The following BRF1 variants were observed in gnomAD, a reference collection of about 807,000 sequenced individuals.
BRF1 encodes BRF1 general transcription factor IIIB subunit, also known as transcription factor IIIB 90 kDa subunit.
A neutral mutation model predicts 81.7 loss-of-function variants in BRF1; 59 were observed. That is an observed-to-expected ratio of 0.72 (90% CI 0.59 to 0.90). BRF1 has a LOEUF of 0.90. Ranked by LOEUF, BRF1 falls within the 40% of genes least tolerant of loss-of-function variation. BRF1 has a pLI of 0.00. For synonymous variants in BRF1, 491 were observed against 395.6 expected (o/e 1.24, Z -2.86); for missense variants, 1,050 against 936.3 (o/e 1.12, Z -1.58).
At position 105,210,720 on chromosome 14, in the gene BRF1, C is replaced by T. The variant is rs952780463; in HGVS notation, c.1997-132G>A. 2.8e-5 allele frequency: 29 copies of T among 1,022,230 alleles called. No individual in the cohort carries two copies. Among genetic ancestry groups the T allele is most frequent in the South Asian group, 1.8e-4 (12 of 66,574 alleles). 63.3% of individuals were successfully genotyped at this position (1,022,230 alleles called of 1,614,324 possible). ...GCCCCAGCCCCAGCCCCCCGCGCCC[C>T]GCCAGGAGCCATCTTGGGCTCCTCT... On this transcript the variant is annotated intron_variant, in intron 17 of 17. Coordinates refer to ENST00000547530, the MANE Select transcript of BRF1 (RefSeq NM_001519.4). This position sits in a 1 kb window ranked among gnomAD's most constrained non-coding sequence, Gnocchi z 4.7.
intron 15 of BRF1, among the ~76,000 whole-genome samples, chr14:105,216,033 GCACACACACTGCGTACACAGACACAGGCA>G (rs1482617976): frequency 7.9e-5 from 10 of 126,636 alleles, no homozygotes; most frequent in African/African-American, 2.6e-4. Flanking sequence ...ACAGACACAG[GCACACACACTGCGTACACAGACACAGGCA>G]CACACACACA....
chr14:105,279,323 G>A (rs1390844003), intron 2 of BRF1, among the ~76,000 whole-genome samples: 3 of 152,120 alleles, frequency 2.0e-5, no homozygotes, highest in Non-Finnish European at 4.4e-5. Context: ...CAAAGGACTC[G>A]AATCCAGAAT....
intron 5 of BRF1, chr14:105,249,873 G>T: frequency 1.2e-6 from 2 of 1,612,154 alleles, no homozygotes; most frequent in East Asian, 2.2e-5. Flanking sequence ...ATGGCCCTAC[G>T]GTCCGAAGGC....
chr14:105,247,881 G>T, intron 5 of BRF1: 1 of 985,636 alleles, frequency 1.0e-6, no homozygotes, highest in Non-Finnish European at 1.2e-6. Context: ...AGTGCCCCAT[G>T]CCACGCACCT....
At chr14:105,229,327 T>G (rs1418647377) in intron 6 of BRF1, among the ~76,000 whole-genome samples, 4 of 152,202 alleles carry the variant, frequency 2.6e-5, no homozygotes, top group African/African-American at 9.6e-5. Flanking sequence ...AAGGCCACAG[T>G]GGGCCCAGAA....
intron 1 of BRF1, among the ~76,000 whole-genome samples, chr14:105,310,267 A>G (rs1483614093): frequency 6.6e-6 from 1 of 150,742 alleles, no homozygotes; most frequent in African/African-American, 2.4e-5. Context: ...ACAGTGGCTC[A>G]CGCCTGTAAT....
At chr14:105,300,423 C>A (rs2057960854) in intron 1 of BRF1, 23 bp downstream of exon 1, 2 of 1,506,226 alleles carry the variant, frequency 1.3e-6, no homozygotes, top group Non-Finnish European at 1.8e-6. Flanking sequence ...GAAATCCGCG[C>A]AGCGCCAGCC....
chr14:105,219,489 G>C (rs1891901786), intron 12 of BRF1: 1 of 693,582 alleles, frequency 1.4e-6, no homozygotes, highest in Non-Finnish European at 2.3e-6. Context: ...AGCCCTGCCG[G>C]CACCAGGACC....
chr14:105,209,342 C>G lies in BRF1; in HGVS notation c.*1209G>C. The G allele has an allele frequency of 1.8e-6, 1 of 569,256 alleles. No individual in the cohort carries two copies. The highest frequency in any genetic ancestry group is 3.1e-6 in the Non-Finnish European group (1 of 319,646). The allele number at this position is 569,256 out of a possible 1,614,324, so 35.3% of individuals were successfully genotyped here. ...TTACTAAATCTATTCTTCCCCCAAG[C>G]CCTCGAGAAGCCCTGGCAGGACCCA... On this transcript the variant is annotated 3_prime_UTR_variant, in exon 18 of 18. Transcript: ENST00000547530.
At chr14:105,256,210 G>A (rs2055858225) in intron 4 of BRF1, 2 of 1,533,850 alleles carry the variant, frequency 1.3e-6, no homozygotes, top group African/African-American at 2.7e-5. Context: ...TTTTTTAATT[G>A]AAAATAATCT....
intron 2 of BRF1, among the ~76,000 whole-genome samples, chr14:105,283,800 C>G (rs587771211): frequency 6.6e-6 from 1 of 152,294 alleles, no homozygotes; most frequent in Non-Finnish European, 1.5e-5. Context: ...CAAAGCTCTT[C>G]ACATGGAGAA....
chr14:105,258,416 A>G (rs2055986447), intron 3 of BRF1, among the ~76,000 whole-genome samples: 1 of 149,326 alleles, frequency 6.7e-6, no homozygotes, highest in Non-Finnish European at 1.5e-5. Context: ...GTGAACCCAG[A>G]AGGCGGAGCT....
chr14:105,266,314 G>A (rs1026134517), intron 3 of BRF1, among the ~76,000 whole-genome samples: 2 of 152,162 alleles, frequency 1.3e-5, no homozygotes, highest in African/African-American at 4.8e-5. Context: ...TCGGGATGCT[G>A]AGGCGAGAGA....
intron 5 of BRF1, among the ~76,000 whole-genome samples, chr14:105,245,202 A>G (rs2055000534): frequency 6.6e-6 from 1 of 152,108 alleles, no homozygotes; most frequent in African/African-American, 2.4e-5. Flanking sequence ...CTACTAAAAA[A>G]TACAAAAAAT....
intron 1 of BRF1, among the ~76,000 whole-genome samples, chr14:105,291,153 T>C (rs2057492134): frequency 6.6e-6 from 1 of 152,102 alleles, no homozygotes; most frequent in Admixed American, 6.6e-5. Flanking sequence ...TGCCCCCCTG[T>C]GTACAGCAAG....
chr14:105,228,806 T>A lies in BRF1; in HGVS notation c.788+14A>T, dbSNP rs1442677632. ...CTCTGTGTGGTCCCCATGCCATGAA[T>A]GAGAGCCCCTCACCTCTTCCGCAGC... On this transcript the variant is annotated intron_variant, in intron 7 of 17. Coordinates refer to ENST00000547530, the MANE Select transcript of BRF1 (RefSeq NM_001519.4). 1 of 1,612,990 alleles carries A rather than the reference T, an allele frequency of 6.2e-7. No homozygotes were observed. Among genetic ancestry groups the A allele is most frequent in the Non-Finnish European group, 8.5e-7 (1 of 1,179,434 alleles).
chr14:105,258,978 G>A (rs999567739), intron 3 of BRF1, among the ~76,000 whole-genome samples: 1 of 152,112 alleles, frequency 6.6e-6, no homozygotes, highest in Admixed American at 6.6e-5. Context: ...ACGAGCCCGC[G>A]ACGTCACTGA....
At chr14:105,275,859 C>A (rs1336981037) in intron 2 of BRF1, among the ~76,000 whole-genome samples, 1 of 152,266 alleles carries the variant, frequency 6.6e-6, no homozygotes, top group Non-Finnish European at 1.5e-5. Flanking sequence ...CCCTTAAAAA[C>A]CGGACCCCAG....
At chr14:105,248,622 T>G in intron 5 of BRF1, 1 of 976,034 alleles carries the variant, frequency 1.0e-6, no homozygotes, top group Non-Finnish European at 1.2e-6. Flanking sequence ...CTGGCCGGGC[T>G]GCGCTAGGCT....
Sources: allele counts gnomAD v4.1 joint callset (sites outside exome capture counted in the v4.1 genomes callset), GRCh38; gene constraint gnomAD v4.1.1; non-coding constraint Gnocchi (gnomAD v3.1); transcripts MANE v1.5; gene names NCBI Gene and HGNC (gene_info 2026-07-23, HGNC 2026-07-21).